Variants in SCARA5 observed in about 807,000 individuals in gnomAD.
SCARA5 encodes scavenger receptor class A member 5, also known as scavenger receptor class A, member 5 (putative).
SCARA5 carries 45 observed loss-of-function variants against 46.3 expected under a neutral mutation model. That is an observed-to-expected ratio of 0.97 (90% CI 0.76 to 1.24). The LOEUF (loss-of-function observed/expected upper bound fraction) is 1.24, where lower values mean the gene tolerates loss of function less well. SCARA5 is among the 50% of genes most tolerant of loss of function. The probability of loss-of-function intolerance (pLI) is 0.00; values close to 1 mark genes in which losing one functional copy is unlikely to be tolerated. For missense variants in SCARA5, 680 were observed against 689.0 expected, an observed-to-expected ratio of 0.99 and a Z score of 0.15; for synonymous variants, 333 against 306.5, an observed-to-expected ratio of 1.09 and a Z score of -0.90.
At chr8:27,904,672 C>G (rs1283065152) in intron 7 of SCARA5, 106 bp downstream of exon 7, 1 of 1,033,708 alleles carries the variant, frequency 9.7e-7, no homozygotes, top group Middle Eastern at 2.1e-4. Flanking sequence ...CACTTGAGCC[C>G]CAGCCATGGC....
chr8:27,897,071 G>A (rs556508421), intron 7 of SCARA5, among the ~76,000 whole-genome samples: 5 of 148,734 alleles, frequency 3.4e-5, no homozygotes, highest in South Asian at 4.4e-4. Context: ...CAGGCTGGGC[G>A]ACAGAGTGAG....
chr8:27,959,967 C>T (rs2726943), intron 3 of SCARA5, among the ~76,000 whole-genome samples: 28,131 of 152,090 alleles, frequency 0.18, 2,693 homozygotes, highest in Non-Finnish European at 0.2. Context: ...GTCACGGTAC[C>T]TCAAGGACCT....
At chr8:27,936,740 C>A (rs902256179) in intron 3 of SCARA5, among the ~76,000 whole-genome samples, 1 of 152,030 alleles carries the variant, frequency 6.6e-6, no homozygotes, top group Non-Finnish European at 1.5e-5. Flanking sequence ...GAACACACAC[C>A]GTGCAGTGGC....
At chr8:27,962,938 C>T (rs1352338049) in intron 3 of SCARA5, among the ~76,000 whole-genome samples, 1 of 152,294 alleles carries the variant, frequency 6.6e-6, no homozygotes, top group East Asian at 1.9e-4. Context: ...CCGAATGGTG[C>T]TGTTAGAAAA....
At chr8:27,945,717 T>C (rs1808025862) in intron 3 of SCARA5, among the ~76,000 whole-genome samples, 1 of 152,208 alleles carries the variant, frequency 6.6e-6, no homozygotes, top group Non-Finnish European at 1.5e-5. Flanking sequence ...AGTGAGTATG[T>C]ATTAGACACT....
At position 27,879,624 on chromosome 8, in the gene SCARA5, G is replaced by A; in HGVS notation, c.1296C>T (p.Arg432=). ...CCTCCACACCGCGGAAGCCGAGCATGCGGCACACCACGTCTCCGTCCTTCT... is the reference window on the plus strand; with the variant it reads ...CCTCCACACCGCGGAAGCCGAGCATACGGCACACCACGTCTCCGTCCTTCT... The part of the protein sequence containing the change: ...WDKKDGDVVC[R]MLGFRGVEEV... The change falls in exon 8 of 9, where the codon CGC becomes CGT. Residue 432 remains arginine (R), a synonymous_variant. Transcript: ENST00000354914. 1 of 1,611,984 alleles carries A rather than the reference G, an allele frequency of 6.2e-7. No individual in the cohort carries two copies. Among genetic ancestry groups the A allele is most frequent in the Non-Finnish European group, 8.5e-7 (1 of 1,180,028 alleles).
At chr8:27,953,450 A>G (rs1047210763) in intron 3 of SCARA5, among the ~76,000 whole-genome samples, 1 of 152,216 alleles carries the variant, frequency 6.6e-6, no homozygotes, top group Non-Finnish European at 1.5e-5. Context: ...GTGGAGATTC[A>G]GTTTAAACAA....
At chr8:27,879,443 A>T (rs1246153671) in intron 8 of SCARA5, 126 bp downstream of exon 8, 1 of 870,316 alleles carries the variant, frequency 1.1e-6, no homozygotes, top group Non-Finnish European at 1.8e-6. Flanking sequence ...TTATTGCAGC[A>T]AGCATTTGGG....
rs78889390 is a variant in SCARA5 at position 27,871,443 on chromosome 8, G to A, written c.*491C>T. The stretch of plus-strand genomic sequence containing the variant: ...TGGGGAGCAGAGGCAGAGTAAAGGG[G>A]GGAAATTCATCACTTGACGTTGCCT... On this transcript the variant is annotated 3_prime_UTR_variant, in exon 9 of 9. Transcript: ENST00000354914. 7.8e-4 allele frequency: 767 copies of A among 989,028 alleles called. 5 individuals carry two copies. In the African/African-American group the frequency reaches 0.013, roughly 16 times the overall value. 61.3% of individuals were successfully genotyped at this position (989,028 alleles called of 1,614,324 possible). A position where few individuals can be genotyped will look rare whatever the true frequency, so the allele number is the denominator to read the frequency against.
intron 7 of SCARA5, among the ~76,000 whole-genome samples, chr8:27,900,561 C>G (rs558514589): frequency 6.6e-6 from 1 of 152,188 alleles, no homozygotes; most frequent in East Asian, 1.9e-4. Flanking sequence ...TAGAATTCAC[C>G]CTGGTGTCAT....
At chr8:27,901,305 T>A (rs1807149476) in intron 7 of SCARA5, among the ~76,000 whole-genome samples, 1 of 152,008 alleles carries the variant, frequency 6.6e-6, no homozygotes, top group South Asian at 2.1e-4. Flanking sequence ...GCTTCAGAGG[T>A]GTTTGGGAAG....
At chr8:27,973,414 T>C (rs1315310385) in intron 2 of SCARA5, among the ~76,000 whole-genome samples, 1 of 151,982 alleles carries the variant, frequency 6.6e-6, no homozygotes, top group Non-Finnish European at 1.5e-5. Context: ...GGGGCGGAGA[T>C]TGCAGTGAGC....
intron 2 of SCARA5, among the ~76,000 whole-genome samples, chr8:27,983,728 G>A (rs1470071577): frequency 6.6e-6 from 1 of 152,218 alleles, no homozygotes; most frequent in Non-Finnish European, 1.5e-5. Context: ...CATGGGCCAT[G>A]AGAGTGGGGC....
chr8:27,897,092 A>AG (rs1807075716), intron 7 of SCARA5, among the ~76,000 whole-genome samples: 1 of 12,548 alleles, frequency 8.0e-5, no homozygotes, highest in Non-Finnish European at 2.3e-3. Context: ...ACTCGGTCTC[A>AG]AAAAAAAAAG....
At chr8:27,873,911 G>T (rs113860775) in intron 8 of SCARA5, among the ~76,000 whole-genome samples, 1,740 of 152,252 alleles carry the variant, frequency 0.011, 24 homozygotes, top group African/African-American at 0.039. Flanking sequence ...TTGGCTGGGC[G>T]TGGTGGTGCA....
chr8:27,991,560 G>A (rs1314735448), intron 1 of SCARA5, among the ~76,000 whole-genome samples: 1 of 152,180 alleles, frequency 6.6e-6, no homozygotes, highest in Non-Finnish European at 1.5e-5. Flanking sequence ...AGCCTCATTT[G>A]CTGCTACCAA....
chr8:27,903,723 T>C (rs1807201296), intron 7 of SCARA5: 1 of 152,346 alleles, frequency 6.6e-6, no homozygotes, highest in African/African-American at 2.4e-5. Flanking sequence ...GCTGATAGTC[T>C]TTGATTTATT....
chr8:27,921,896 C>A lies in SCARA5; in HGVS notation c.591G>T (p.Leu197=). 1 of 1,506,350 alleles carries A rather than the reference C, an allele frequency of 6.6e-7. No individual in the cohort carries two copies. The highest frequency in any genetic ancestry group is 8.8e-7 in the Non-Finnish European group (1 of 1,135,402). 93.3% of individuals were successfully genotyped at this position (1,506,350 alleles called of 1,614,324 possible). The change falls in exon 4 of 9, where the codon CTG becomes CTT. Residue 197 remains leucine (L), a synonymous_variant. Coordinates refer to ENST00000354914, the MANE Select transcript of SCARA5 (RefSeq NM_173833.6). The part of the protein sequence containing the change: ...QLQVESNSSQ[L]LLRRHAGLLD... Reference sequence around the variant, plus strand: ...GCAGGCCCGCGTGGCGCCTCAGCAGCAGCTGGCTACTGTTGCTCTCCACCT... The same window carrying A: ...GCAGGCCCGCGTGGCGCCTCAGCAGAAGCTGGCTACTGTTGCTCTCCACCT...
chr8:27,987,468 G>A lies in SCARA5; in HGVS notation c.112+36C>T, dbSNP rs1030852826. ...GGGCTCCTTCCCCACCCCCAGGCCA[G>A]ATCTTGTGCCCCAAGTCTGAGCCAG... On this transcript the variant is annotated intron_variant, in intron 2 of 8. Coordinates refer to ENST00000354914, the MANE Select transcript of SCARA5 (RefSeq NM_173833.6). 4 of 1,487,440 alleles carry A rather than the reference G, an allele frequency of 2.7e-6. No homozygotes were observed. The African/African-American group carries it at 5.5e-5, about 21-fold the overall frequency. 92.1% of individuals were successfully genotyped at this position (1,487,440 alleles called of 1,614,324 possible). A position where few individuals can be genotyped will look rare whatever the true frequency, so the allele number is the denominator to read the frequency against.
Sources: allele counts gnomAD v4.1 joint callset (sites outside exome capture counted in the v4.1 genomes callset), GRCh38; gene constraint gnomAD v4.1.1; transcripts MANE v1.5; gene names NCBI Gene and HGNC (gene_info 2026-07-23, HGNC 2026-07-21).